The following CYP2D6 variants were observed in gnomAD, a reference collection of about 807,000 sequenced individuals.
The protein encoded by CYP2D6 is cytochrome P450 family 2 subfamily D member 6 (gene/pseudogene).
A neutral mutation model predicts 43.5 loss-of-function variants in CYP2D6; 51 were observed. That is an observed-to-expected ratio of 1.17 (90% CI 0.94 to 1.48). The LOEUF (loss-of-function observed/expected upper bound fraction) is 1.48, where lower values mean the gene tolerates loss of function less well. CYP2D6 is among the 40% of genes most tolerant of loss of function. CYP2D6 has a pLI of 0.00. For synonymous variants in CYP2D6, 346 were observed against 297.1 expected (o/e 1.16, Z -1.69); for missense variants, 698 against 688.0 (o/e 1.01, Z -0.16).
rs755706099 is a variant in CYP2D6, at chr22:42,128,213, G to T, written c.804C>A (p.Pro268=). ...HRMTWDPAQP[P]RDLTEAFLAE... ...CCAGGAAGGCCTCAGTCAGGTCTCG[G>T]GGGGGCTGGGCTGGGTCCCAGGTCA... The change falls in exon 5 of 9, where the codon CCC becomes CCA. Residue 268 remains proline, a synonymous_variant. Coordinates refer to ENST00000645361, the MANE Select transcript of CYP2D6 (RefSeq NM_000106.6). The T allele has an allele frequency of 1.5e-5, 24 of 1,609,668 alleles. 2 individuals are homozygous for T. In the South Asian group the frequency reaches 1.9e-4, roughly 13 times the overall value.
intron 7 of CYP2D6, 141 bp downstream of exon 7, chr22:42,127,306 A>C: frequency 1.7e-6 from 2 of 1,199,676 alleles, no homozygotes; most frequent in Non-Finnish European, 1.2e-6. Context: ...TGGACCCCCC[A>C]CCCAAGTGGG....
Position 42,127,644 on chromosome 22 carries a change from C to T in CYP2D6, c.986-10G>A, listed in dbSNP as rs376751897. On this transcript the variant is annotated splice_polypyrimidine_tract_variant and intron_variant, in intron 6 of 8. Transcript: ENST00000645361. ...TCCTGTTGGACACGGCCTGGACAGA[C>T]ATGCGTCCCCACAATGGGTCAGCAC... 264 of 1,610,258 alleles carry T rather than the reference C, an allele frequency of 1.6e-4. 12 individuals are homozygous for T. Among genetic ancestry groups the T allele is most frequent in the Non-Finnish European group, 1.9e-4 (229 of 1,177,450 alleles).
At chr22:42,130,240 TG>T in intron 1 of CYP2D6, 4 of 512,286 alleles carry the variant, frequency 7.8e-6, no homozygotes, top group Non-Finnish European at 1.4e-5. Context: ...ACCGGGTCAC[TG>T]CACCCCCTTC....
At position 42,129,858 on chromosome 22, in the gene CYP2D6, C is replaced by A. The variant is rs775131598; in HGVS notation, c.232G>T (p.Val78Leu). The A allele has an allele frequency of 1.3e-6, 2 of 1,597,290 alleles. No homozygotes were observed. The highest frequency in any genetic ancestry group is 1.7e-6 in the Non-Finnish European group (2 of 1,172,276). ...VFSLQLAWTP[V>L]VVLNGLAAVR... ...GCCGCCAGCCCATTGAGCACGACCA[C>A]CGGCGTCCAGGCCAGCTGCAGGCTG... Residue 78 changes from valine to leucine, a missense_variant, in exon 2 of 9, where the codon GTG (valine) becomes TTG (leucine). This residue lies in a region of CYP2D6 where 588 missense variants were observed against 521.1 expected (regional missense o/e 1.13). Coordinates refer to ENST00000645361, the MANE Select transcript of CYP2D6 (RefSeq NM_000106.6).
At chr22:42,128,998 A>C (rs747099990) in intron 3 of CYP2D6, 35 bp downstream of exon 3, 1 of 1,594,444 alleles carries the variant, frequency 6.3e-7, no homozygotes, top group Non-Finnish European at 8.5e-7. Context: ...CCGCCTTCCC[A>C]GTTCCCGCTT....
chr22:42,127,833 T>A lies in CYP2D6; in HGVS notation c.985+9A>T, dbSNP rs148250267. The A allele has an allele frequency of 6.2e-7, 1 of 1,610,638 alleles. No homozygotes were observed. Among genetic ancestry groups the A allele is most frequent in the African/African-American group, 1.3e-5 (1 of 74,246 alleles). ...CTCGGCCCCTGCACTGTTTCCCAGA[T>A]GGGCTCACGCTGCACATCCGGATGT... On this transcript the variant is annotated intron_variant, in intron 6 of 8. Coordinates refer to ENST00000645361, the MANE Select transcript of CYP2D6 (RefSeq NM_000106.6).
chr22:42,129,411 C>T (rs1237186711), intron 2 of CYP2D6: 13 of 780,738 alleles, frequency 1.7e-5, no homozygotes, highest in Middle Eastern at 4.4e-4. Flanking sequence ...GGGAAGACCC[C>T]GCGGGCCCCG....
chr22:42,129,321 G>T, intron 2 of CYP2D6, 136 bp from the exon 3 acceptor site: 2 of 1,179,360 alleles, frequency 1.7e-6, no homozygotes, highest in South Asian at 1.3e-5. Context: ...CCCACTCTTT[G>T]TGCATCCACC....
In CYP2D6 at chr22:42,127,522, A is replaced by G; in HGVS notation, c.1098T>C (p.Phe366=). 5 of 1,612,012 alleles carry G rather than the reference A, an allele frequency of 3.1e-6. No individual in the cohort carries two copies. Among genetic ancestry groups the G allele is most frequent in the Non-Finnish European group, 3.4e-6 (4 of 1,178,584 alleles). ...TTAVIHEVQR[F]GDIVPLGVTH... ...TCACACCCAGGGGGACGATGTCCCC[A>G]AAGCGCTGCACCTCATGAATCACGG... Residue 366 remains phenylalanine, a synonymous_variant, in exon 7 of 9, where the codon TTT becomes TTC. Coordinates refer to ENST00000645361, the MANE Select transcript of CYP2D6 (RefSeq NM_000106.6).
chr22:42,127,593 G>T lies in CYP2D6; in HGVS notation c.1027C>A (p.Arg343=), dbSNP rs267608295. The change falls in exon 7 of 9, where the codon CGG becomes AGG. Residue 343 remains arginine, a synonymous_variant. Coordinates refer to ENST00000645361, the MANE Select transcript of CYP2D6 (RefSeq NM_000106.6). ...GCCTGGTCACCCATCTCTGGTCGCC[G>T]CACCTGCCCTATCACGTCGTCGATC... ...QEIDDVIGQV[R]RPEMGDQAHM... The T allele has an allele frequency of 7.4e-6, 12 of 1,611,844 alleles. No homozygotes were observed. The highest frequency in any genetic ancestry group is 1.0e-5 in the Non-Finnish European group (12 of 1,178,620).
intron 2 of CYP2D6, 96 bp downstream of exon 2, chr22:42,129,642 T>G: frequency 6.6e-7 from 1 of 1,522,236 alleles, no homozygotes; most frequent in Non-Finnish European, 9.0e-7. Context: ...GCCTGTTTCA[T>G]GTCCACGACC....
In CYP2D6 at chr22:42,129,162, G is replaced by C. The variant is rs80018788; in HGVS notation, c.376C>G (p.Pro126Ala). 6.2e-7 allele frequency: 1 copy of C among 1,606,730 alleles called. No homozygotes were observed. Among genetic ancestry groups the C allele is most frequent in the Non-Finnish European group, 8.5e-7 (1 of 1,178,032 alleles). ...AAGCGCCTCTGCTCGCGCCACGCGG[G>C]CCCATAGCGCGCCAGGAACACCCCT... is the stretch of plus-strand genomic sequence containing the variant. ...SQGVFLARYG[P>A]AWREQRRFSV... Residue 126 changes from proline to alanine, a missense_variant, in exon 3 of 9, where the codon CCC becomes GCC. Coordinates refer to ENST00000645361, the MANE Select transcript of CYP2D6 (RefSeq NM_000106.6).
rs773146935 is a variant in CYP2D6 at position 42,130,600 on chromosome 22, C to T, written c.180+12G>A. On this transcript the variant is annotated intron_variant, in intron 1 of 8. Transcript: ENST00000645361. ...CAGCACCTCTGCCGCCCTCCAGGAC[C>T]TCCTCCCTCACCTGGTCGAAGCAGT... 7 of 1,583,584 alleles carry T rather than the reference C, an allele frequency of 4.4e-6. No homozygotes were observed. The South Asian group carries it at 8.0e-5, about 18-fold the overall frequency.
At chr22:42,127,128 C>T in intron 7 of CYP2D6, 136 bp from the exon 8 acceptor site, 1 of 1,182,406 alleles carries the variant, frequency 8.5e-7, no homozygotes, top group Non-Finnish European at 1.2e-6. Context: ...CGAGAAGCTC[C>T]ACAGTACCCT....
chr22:42,128,755 C>A, intron 4 of CYP2D6, 29 bp downstream of exon 4: 2 of 1,595,798 alleles, frequency 1.3e-6, no homozygotes, highest in South Asian at 1.1e-5. Context: ...GCTCGCCCTG[C>A]AGAGACTCCT....
At chr22:42,129,317 CTT>C (rs1278131170) in intron 2 of CYP2D6, 132 bp from the exon 3 acceptor site, 25 of 1,194,956 alleles carry the variant, frequency 2.1e-5, no homozygotes, top group Admixed American at 1.6e-4. Flanking sequence ...AGGGCCCACT[CTT>C]TGTGCATCCA....
intron 2 of CYP2D6, chr22:42,129,519 T>C: frequency 1.3e-6 from 1 of 741,420 alleles, no homozygotes; most frequent in Non-Finnish European, 2.3e-6. Flanking sequence ...CCCATTGGGC[T>C]CCTGCCAGGT....
At position 42,129,361 on chromosome 22, in the gene CYP2D6, C is replaced by T. The variant is rs1057232114; in HGVS notation, c.353-176G>A. 6.2e-6 allele frequency: 6 copies of T among 960,308 alleles called. No homozygotes were observed. The African/African-American group carries it at 8.1e-5, about 13-fold the overall frequency. 59.5% of individuals were successfully genotyped at this position (960,308 alleles called of 1,614,324 possible). ...TCCCTTGGCTGGGGCAGGGCTTTGCCCCACCTCGTCTCTGCCCACCCTGAC... is the reference window on the plus strand; with the variant it reads ...TCCCTTGGCTGGGGCAGGGCTTTGCTCCACCTCGTCTCTGCCCACCCTGAC... On this transcript the variant is annotated intron_variant, in intron 2 of 8. Transcript: ENST00000645361.
chr22:42,128,300 C>T lies in CYP2D6; in HGVS notation c.717G>A (p.Lys239=), dbSNP rs190535395. ...VLLHIPALAG[K]VLRFQKAFLT... ...GGAAAGCCTTTTGGAAGCGTAGGAC[C>T]TTGCCAGCCAGCGCTGGGATATGCA... Residue 239 remains lysine, a synonymous_variant, in exon 5 of 9, where the codon AAG becomes AAA. Transcript: ENST00000645361. The T allele has an allele frequency of 4.3e-6, 7 of 1,610,604 alleles. No individual in the cohort carries two copies. The East Asian group carries it at 1.3e-4, about 31-fold the overall frequency.
Sources: gnomAD v4.1 joint callset for allele counts on GRCh38, gnomAD v4.1.1 for gene constraint, gnomAD v4.1.1 regional missense constraint, MANE v1.5 for transcripts, NCBI Gene and HGNC (gene_info 2026-07-23, HGNC 2026-07-21) for gene names.